The following ATP2C2 variants were observed in gnomAD, a reference collection of about 807,000 sequenced individuals.
ATP2C2 encodes the protein calcium-transporting ATPase type 2C member 2.
ATP2C2 carries 171 observed loss-of-function variants against 110.8 expected under a neutral mutation model. The ratio of observed to expected loss-of-function variants is 1.54; its 90% CI spans 1.36 to 1.75. The LOEUF is 1.75. Among genes scored for constraint, ATP2C2 ranks in the 40% most tolerant of loss-of-function variants. The pLI is 0.00. For missense variants in ATP2C2, 1,963 were observed against 1,235.0 expected, an observed-to-expected ratio of 1.59 and a Z score of -8.84; for synonymous variants, 804 against 508.4, an observed-to-expected ratio of 1.58 and a Z score of -7.82.
Position 84,439,243 on chromosome 16 carries a change from C to T in ATP2C2, c.1064C>T (p.Ala355Val), listed in dbSNP as rs201782040. ...VTLVLGVLRM[A>V]KKRVIVKKLP... is the part of the protein sequence containing the mutation. ...CTGGTCCTGGGAGTGCTGCGGATGG[C>T]CAAGAAGCGGGTCATCGTGAAGAAG... is the stretch of plus-strand genomic sequence containing the variant. Residue 355 changes from alanine to valine, a missense_variant, in exon 12 of 27, where the codon GCC becomes GTC. Physicochemically the swap from Ala to Val is moderately conservative, Grantham distance 64 (BLOSUM62 0). Coordinates refer to ENST00000262429, the MANE Select transcript of ATP2C2 (RefSeq NM_014861.4). 63 of 1,612,212 alleles carry T rather than the reference C, an allele frequency of 3.9e-5. No individual in the cohort carries two copies. Among genetic ancestry groups the T allele is most frequent in the Non-Finnish European group, 1.0e-5 (12 of 1,180,030 alleles).
chr16:84,419,234 A>T (rs893011886), intron 7 of ATP2C2, among the ~76,000 whole-genome samples: 1 of 148,480 alleles, frequency 6.7e-6, no homozygotes, highest in Non-Finnish European at 1.5e-5. Flanking sequence ...AAAAAAAAAA[A>T]AAAAGTGCTA....
intron 1 of ATP2C2, among the ~76,000 whole-genome samples, chr16:84,374,876 A>G (rs1314090553): frequency 6.6e-6 from 1 of 152,174 alleles, no homozygotes; most frequent in Non-Finnish European, 1.5e-5. Context: ...ACCCCACCTA[A>G]TAATCTATCA....
chr16:84,385,482 C>T (rs9630651), intron 1 of ATP2C2, among the ~76,000 whole-genome samples: 2 of 151,946 alleles, frequency 1.3e-5, no homozygotes, highest in African/African-American at 2.4e-5. Context: ...TCTCATTTAA[C>T]GTCTCCTGTA....
intron 1 of ATP2C2, among the ~76,000 whole-genome samples, chr16:84,371,449 G>C (rs1377235898): frequency 3.3e-5 from 5 of 152,338 alleles, no homozygotes; most frequent in African/African-American, 1.2e-4. Context: ...AGGCTGCAGT[G>C]AGTTGTGATC....
Position 84,463,925 on chromosome 16 carries a change from C to T in ATP2C2, c.*193C>T, listed in dbSNP as rs547257019. The T allele has an allele frequency of 9.2e-4, 529 of 577,236 alleles. 6 individuals are homozygous for T. In the South Asian group the frequency reaches 0.011, roughly 12 times the overall value. The allele number at this position is 577,236 out of a possible 1,614,324, so 35.8% of individuals were successfully genotyped here. A position where few individuals can be genotyped will look rare whatever the true frequency, so the allele number is the denominator to read the frequency against. ...CAGGCCCACATCCATCCAGCGTTCCCGCTGGCTGTGGGACAGACAGGGAGG... is the reference window on the plus strand; with the variant it reads ...CAGGCCCACATCCATCCAGCGTTCCTGCTGGCTGTGGGACAGACAGGGAGG... On this transcript the variant is annotated 3_prime_UTR_variant, in exon 27 of 27. Coordinates refer to ENST00000262429, the MANE Select transcript of ATP2C2 (RefSeq NM_014861.4).
chr16:84,396,355 G>T (rs892005481), intron 1 of ATP2C2, among the ~76,000 whole-genome samples: 1 of 151,908 alleles, frequency 6.6e-6, no homozygotes, highest in Admixed American at 6.6e-5. Flanking sequence ...AGACCAGCCT[G>T]GCCAACCTGG....
Position 84,414,373 on chromosome 16 carries a change from T to C in ATP2C2, c.516-1110T>C, listed in dbSNP as rs546101614. 3.3e-5 allele frequency among the ~76,000 whole-genome samples: 5 copies of C among 152,304 alleles called. No homozygotes were observed. The South Asian group carries it at 6.2e-4, about 19-fold the overall frequency. ...CCACCTTGTGCCCACTGGGGTTGCA[T>C]TGGTTCTTGGCTGGCTCTCCTCATG... On this transcript the variant is annotated intron_variant, in intron 6 of 26. Coordinates refer to ENST00000262429, the MANE Select transcript of ATP2C2 (RefSeq NM_014861.4).
intron 25 of ATP2C2, 71 bp downstream of exon 25, chr16:84,461,883 C>A: frequency 6.2e-7 from 1 of 1,608,258 alleles, no homozygotes; most frequent in Non-Finnish European, 8.5e-7. Context: ...CCGACCCTGC[C>A]CGCAGCATTG....
chr16:84,413,859 C>T (rs1906603998), intron 6 of ATP2C2, among the ~76,000 whole-genome samples: 1 of 152,110 alleles, frequency 6.6e-6, no homozygotes, highest in Non-Finnish European at 1.5e-5. Flanking sequence ...TACTGTATGC[C>T]TGGAGAAAGG....
At chr16:84,421,694 C>A (rs987895712) in intron 7 of ATP2C2, among the ~76,000 whole-genome samples, 17 of 152,132 alleles carry the variant, frequency 1.1e-4, no homozygotes, top group African/African-American at 4.1e-4. Context: ...GTTTCTGGAA[C>A]CAGAGCTTCG....
At chr16:84,432,015 G>C (rs942890506) in intron 11 of ATP2C2, among the ~76,000 whole-genome samples, 1 of 152,166 alleles carries the variant, frequency 6.6e-6, no homozygotes, top group African/African-American at 2.4e-5. Flanking sequence ...CTCCCGCCGA[G>C]CTGAAGAACG....
Position 84,433,425 on chromosome 16 carries a change from C to A in ATP2C2, c.987-5741C>A, listed in dbSNP as rs114671545. Among the ~76,000 whole-genome samples the A allele has an allele frequency of 7.8e-3, 1,189 of 151,800 alleles. 21 individuals are homozygous for A. Among genetic ancestry groups the A allele is most frequent in the African/African-American group, 0.027 (1,133 of 41,376 alleles). ...GAAAACCAAAAAACCAAAAAAATCT[C>A]CTGCAGATCATGAGTTCAGGAGTTT... On this transcript the variant is annotated intron_variant, in intron 11 of 26. Coordinates refer to ENST00000262429, the MANE Select transcript of ATP2C2 (RefSeq NM_014861.4).
intron 23 of ATP2C2, 102 bp from the exon 24 acceptor site, chr16:84,460,552 C>T (rs1208418663): frequency 1.9e-6 from 3 of 1,540,290 alleles, no homozygotes; most frequent in Middle Eastern, 1.7e-4. Context: ...TGGCCCTGCC[C>T]CCTGTGCCAA....
chr16:84,413,777 A>G (rs539785987), intron 6 of ATP2C2, among the ~76,000 whole-genome samples: 28 of 151,838 alleles, frequency 1.8e-4, no homozygotes, highest in Non-Finnish European at 3.2e-4. Flanking sequence ...CTCAGGGGAA[A>G]CCCTGCTGTG....
chr16:84,439,179 G>A lies in ATP2C2; in HGVS notation c.1000G>A (p.Ala334Thr), dbSNP rs745605167. 6 of 1,612,052 alleles carry A rather than the reference G, an allele frequency of 3.7e-6. No individual in the cohort carries two copies. Among genetic ancestry groups the A allele is most frequent in the Admixed American group, 1.7e-5 (1 of 60,000 alleles). The stretch of plus-strand genomic sequence containing the variant: ...CTTTCGATCCAGCCTGGCTGTGGCG[G>A]CCATTCCAGAGGGTCTGCCCATCGT... ...FTIGVSLAVAAIPEGLPIVVM... is the reference protein window; with the variant it reads ...FTIGVSLAVATIPEGLPIVVM... Residue 334 changes from alanine to threonine, a missense_variant, in exon 12 of 27, where the codon GCC becomes ACC. Coordinates refer to ENST00000262429, the MANE Select transcript of ATP2C2 (RefSeq NM_014861.4).
intron 17 of ATP2C2, among the ~76,000 whole-genome samples, chr16:84,451,117 T>C (rs1168688707): frequency 1.3e-5 from 2 of 152,084 alleles, no homozygotes; most frequent in East Asian, 1.9e-4. Flanking sequence ...GGGGAGGCCT[T>C]GCAATCATGG....
At position 84,376,302 on chromosome 16, in the gene ATP2C2, C is replaced by T. The variant is rs187686702; in HGVS notation, c.99+7588C>T. Among the ~76,000 whole-genome samples, 285 of 152,274 alleles carry T rather than the reference C, an allele frequency of 1.9e-3. 1 individual carries two copies. The highest frequency in any genetic ancestry group is 6.7e-3 in the African/African-American group (277 of 41,546). On this transcript the variant is annotated intron_variant, in intron 1 of 26. Coordinates refer to ENST00000262429, the MANE Select transcript of ATP2C2 (RefSeq NM_014861.4). ...TGAGGGCAGGACTGGCTACAGAATT[C>T]GTGGGGCAGACTGCCAATAGCAGGA...
chr16:84,435,057 G>A (rs1007432892), intron 11 of ATP2C2, among the ~76,000 whole-genome samples: 3 of 152,178 alleles, frequency 2.0e-5, no homozygotes, highest in Non-Finnish European at 2.9e-5. Context: ...TATATAACTT[G>A]TCCATGCCTG....
chr16:84,439,779 A>G (rs528886111), intron 13 of ATP2C2, among the ~76,000 whole-genome samples: 12 of 152,344 alleles, frequency 7.9e-5, no homozygotes, highest in African/African-American at 1.9e-4. Flanking sequence ...TTTAAAAGCT[A>G]GAAAAAATCT....
Sources: allele counts gnomAD v4.1 joint callset (sites outside exome capture counted in the v4.1 genomes callset), GRCh38; gene constraint gnomAD v4.1.1; transcripts MANE v1.5; gene names NCBI Gene and HGNC (gene_info 2026-07-23, HGNC 2026-07-21).